Variants in TMEM94 observed in about 807,000 individuals in gnomAD.
The protein encoded by TMEM94 is transmembrane protein 94.
Under a neutral mutation model 158.6 loss-of-function variants are expected in TMEM94, and 81 were observed. That is an observed-to-expected ratio of 0.51 (90% confidence interval 0.43 to 0.61). TMEM94 has a LOEUF of 0.61. TMEM94 is among the 20% of genes least tolerant of loss of function. The probability of loss-of-function intolerance (pLI) is 0.00; values close to 1 mark genes in which losing one functional copy is unlikely to be tolerated. For synonymous variants in TMEM94, 751 were observed against 730.7 expected (o/e 1.03, Z -0.45); for missense variants, 1,435 against 1,762.0 (o/e 0.81, Z 3.32).
rs780602917 is a variant in TMEM94 at position 75,491,464 on chromosome 17, G to A, written c.1386+9G>A. 2 of 1,613,930 alleles carry A rather than the reference G, an allele frequency of 1.2e-6. No homozygotes were observed. Among genetic ancestry groups the A allele is most frequent in the Non-Finnish European group, 8.5e-7 (1 of 1,180,038 alleles). ...CCTTCTGCCATCCCGAGGTAGAGGA[G>A]GAGGTACGGCCGGCTCCCATGGGCC... On this transcript the variant is annotated intron_variant, in intron 13 of 31. Transcript: ENST00000314256. This position sits in a 1 kb window ranked among gnomAD's most constrained non-coding sequence, Gnocchi z 5.1.
chr17:75,496,319 T>C lies in TMEM94; in HGVS notation c.3091T>C (p.Trp1031Arg). The C allele has an allele frequency of 6.2e-7, 1 of 1,614,186 alleles. No homozygotes were observed. The highest frequency in any genetic ancestry group is 1.1e-5 in the South Asian group (1 of 91,092). Residue 1031 changes from tryptophan to arginine, a missense_variant, in exon 24 of 32, where the codon TGG becomes CGG. Physicochemically the swap from Trp to Arg is moderately radical, Grantham distance 101 (BLOSUM62 -3). This residue lies in a region of TMEM94 where 335 missense variants were observed against 409.1 expected (regional missense o/e 0.82). Coordinates refer to ENST00000314256, the MANE Select transcript of TMEM94 (RefSeq NM_014738.6). ...TCCCCTGTACCCATCCCGTTGCTCCTGGGAGACCTTTGGCTACGCCACCAG... is the reference window on the plus strand; with the variant it reads ...TCCCCTGTACCCATCCCGTTGCTCCCGGGAGACCTTTGGCTACGCCACCAG... ...LDPLYPSRCS[W>R]ETFGYATSIS...
intron 2 of TMEM94, among the ~76,000 whole-genome samples, chr17:75,481,580 G>A (rs536615002): frequency 1.7e-3 from 256 of 152,352 alleles, no homozygotes; most frequent in Non-Finnish European, 2.9e-3. Flanking sequence ...CTCAGTTGCC[G>A]AGGAGGGGGT....
intron 1 of TMEM94, among the ~76,000 whole-genome samples, chr17:75,459,294 T>C (rs1160534613): frequency 2.6e-5 from 4 of 152,178 alleles, no homozygotes; most frequent in Admixed American, 2.6e-4. Context: ...ATCTTCTTCA[T>C]CATCAGCCCC....
In TMEM94 at chr17:75,496,474, G is replaced by A; in HGVS notation, c.3243+3G>A. On this transcript the variant is annotated splice_donor_region_variant and intron_variant, in intron 24 of 31. Coordinates refer to ENST00000314256, the MANE Select transcript of TMEM94 (RefSeq NM_014738.6). ...GCATCATCCGGCTTATCGAACAGGT[G>A]GGTGCTTCGGCAGGCAAAGGAGGAG... The A allele has an allele frequency of 5.0e-6, 8 of 1,610,198 alleles. No individual in the cohort carries two copies. The highest frequency in any genetic ancestry group is 6.8e-6 in the Non-Finnish European group (8 of 1,177,654).
At chr17:75,481,680 TAG>T (rs1226710632) in intron 2 of TMEM94, among the ~76,000 whole-genome samples, 10 of 152,124 alleles carry the variant, frequency 6.6e-5, no homozygotes, top group South Asian at 4.1e-4. Context: ...GTGGGCCGCA[TAG>T]AGGGTGGGGA....
chr17:75,462,957 C>T (rs1328213080), intron 1 of TMEM94, among the ~76,000 whole-genome samples: 1 of 134,774 alleles, frequency 7.4e-6, no homozygotes, highest in African/African-American at 2.9e-5. Context: ...CATGCCACTG[C>T]ACTCCAGCCT....
In TMEM94 at chr17:75,498,110, G is replaced by A. The variant is rs1235536296; in HGVS notation, c.3490-65G>A. The A allele has an allele frequency of 4.4e-6, 7 of 1,595,998 alleles. No homozygotes were observed. The African/African-American group carries it at 9.4e-5, about 21-fold the overall frequency. The stretch of plus-strand genomic sequence containing the variant: ...TTACTAAGAGCCCGTTGAATACGTG[G>A]AAGAGCTAGGAGCAGCCGGCAGAGG... On this transcript the variant is annotated intron_variant, in intron 27 of 31. Coordinates refer to ENST00000314256, the MANE Select transcript of TMEM94 (RefSeq NM_014738.6). The surrounding 1 kb of genome is among the most constrained non-coding windows in gnomAD (Gnocchi z 6.7).
intron 1 of TMEM94, 27 bp from the exon 2 acceptor site, chr17:75,471,773 A>G: frequency 1.2e-6 from 1 of 852,246 alleles, no homozygotes; most frequent in Non-Finnish European, 1.9e-6. Flanking sequence ...CAGCAACCTG[A>G]GTGATTTCTT....
In TMEM94 at chr17:75,498,760, G is replaced by C. The variant is rs766856029; in HGVS notation, c.3827+38G>C. On this transcript the variant is annotated intron_variant, in intron 30 of 31. Transcript: ENST00000314256. The surrounding 1 kb of genome is among the most constrained non-coding windows in gnomAD (Gnocchi z 6.7). ...AGGATGGAGGGCGGAGTGTGGGCTG[G>C]GGAGGAGAGGGCCTTCTGCAGGGCT... The C allele has an allele frequency of 1.3e-6, 2 of 1,536,224 alleles. No individual in the cohort carries two copies. Among genetic ancestry groups the C allele is most frequent in the Non-Finnish European group, 1.8e-6 (2 of 1,140,118 alleles).
At chr17:75,490,077 C>CAAA in intron 9 of TMEM94, 157 bp from the exon 10 acceptor site, 6 of 795,200 alleles carry the variant, frequency 7.5e-6, no homozygotes, top group Admixed American at 3.4e-5. Context: ...GACTCCGTCT[C>CAAA]AAAAAAAAAA....
chr17:75,472,034 A>G (rs1319425838), intron 2 of TMEM94, 105 bp downstream of exon 2: 2 of 1,157,928 alleles, frequency 1.7e-6, no homozygotes, highest in East Asian at 2.4e-5. Context: ...CTTTAAACAA[A>G]AGTTGAGAGA....
At chr17:75,497,937 T>G (rs1035257307) in intron 27 of TMEM94, 75 bp downstream of exon 27, 128 of 1,401,958 alleles carry the variant, frequency 9.1e-5, no homozygotes, top group Admixed American at 2.9e-4. Flanking sequence ...AGAGAGGGGC[T>G]AATCTGGAAG....
Position 75,471,856 on chromosome 17 carries a change from T to C in TMEM94, c.-50T>C, listed in dbSNP as rs2050515179. 1 of 1,610,676 alleles carries C rather than the reference T, an allele frequency of 6.2e-7. No homozygotes were observed. The highest frequency in any genetic ancestry group is 2.2e-5 in the East Asian group (1 of 44,856). ...TGTACATGCTGGGGAGGAGCCTTCCTTTCAGGGGTGACCACATTCATCTGG... is the reference window on the plus strand; with the variant it reads ...TGTACATGCTGGGGAGGAGCCTTCCCTTCAGGGGTGACCACATTCATCTGG... On this transcript the variant is annotated 5_prime_UTR_variant, in exon 2 of 32. Coordinates refer to ENST00000314256, the MANE Select transcript of TMEM94 (RefSeq NM_014738.6).
In TMEM94 at chr17:75,493,680, C is replaced by T. The variant is rs1435436798; in HGVS notation, c.2190-19C>T. The T allele has an allele frequency of 6.2e-7, 1 of 1,613,874 alleles. No homozygotes were observed. Among genetic ancestry groups the T allele is most frequent in the Non-Finnish European group, 8.5e-7 (1 of 1,179,986 alleles). On this transcript the variant is annotated intron_variant, in intron 17 of 31. Coordinates refer to ENST00000314256, the MANE Select transcript of TMEM94 (RefSeq NM_014738.6). ...ACAGGCAGGAACACTCACCTCACCT[C>T]CGCCTGCTTCCCTGGCAGAAAGAAA...
intron 18 of TMEM94, 64 bp from the exon 19 acceptor site, chr17:75,494,563 G>C (rs1033467632): frequency 1.3e-6 from 2 of 1,540,738 alleles, no homozygotes; most frequent in African/African-American, 1.4e-5. Context: ...GCATCTGTGT[G>C]TGTGGCCCTG....
chr17:75,460,813 A>T (rs2050039937), intron 1 of TMEM94, among the ~76,000 whole-genome samples: 2 of 151,850 alleles, frequency 1.3e-5, no homozygotes, highest in South Asian at 4.2e-4. Context: ...GCCGATTTTT[A>T]AAATTAAGGA....
Position 75,489,232 on chromosome 17 carries a change from G to T in TMEM94, c.765-34G>T. The T allele has an allele frequency of 6.3e-7, 1 of 1,598,966 alleles. No individual in the cohort carries two copies. Among genetic ancestry groups the T allele is most frequent in the Non-Finnish European group, 8.6e-7 (1 of 1,166,222 alleles). On this transcript the variant is annotated intron_variant, in intron 7 of 31. Coordinates refer to ENST00000314256, the MANE Select transcript of TMEM94 (RefSeq NM_014738.6). The surrounding 1 kb of genome is among the most constrained non-coding windows in gnomAD (Gnocchi z 5.0). Reference sequence around the variant, plus strand: ...CAAGGTGTAGGTTTCTAGCCTCTCTGCCAAGTGAGACTGACAGTCACTTCT... The same window carrying T: ...CAAGGTGTAGGTTTCTAGCCTCTCTTCCAAGTGAGACTGACAGTCACTTCT...
At chr17:75,475,430 T>G (rs1172921983) in intron 2 of TMEM94, among the ~76,000 whole-genome samples, 1 of 152,138 alleles carries the variant, frequency 6.6e-6, no homozygotes, top group South Asian at 2.1e-4. Context: ...CAGCTCACAC[T>G]CTCCAGCTCT....
At position 75,492,798 on chromosome 17, in the gene TMEM94, C is replaced by T. The variant is rs372074038; in HGVS notation, c.1912+9C>T. The T allele has an allele frequency of 3.1e-6, 5 of 1,596,658 alleles. No individual in the cohort carries two copies. Among genetic ancestry groups the T allele is most frequent in the Non-Finnish European group, 4.3e-6 (5 of 1,172,474 alleles). Reference sequence around the variant, plus strand: ...GCTTGCCCGCCTCATTGGTACAGGTCCCCATGGCAGGGGATGGCTGGCTGG... The same window carrying T: ...GCTTGCCCGCCTCATTGGTACAGGTTCCCATGGCAGGGGATGGCTGGCTGG... On this transcript the variant is annotated intron_variant, in intron 15 of 31. Coordinates refer to ENST00000314256, the MANE Select transcript of TMEM94 (RefSeq NM_014738.6). The surrounding 1 kb of genome is among the most constrained non-coding windows in gnomAD (Gnocchi z 4.4).
Sources: gnomAD v4.1 joint callset for allele counts (sites outside exome capture counted in the v4.1 genomes callset) on GRCh38, gnomAD v4.1.1 for gene constraint, gnomAD v4.1.1 regional missense constraint, Gnocchi (gnomAD v3.1) non-coding constraint, MANE v1.5 for transcripts, NCBI Gene and HGNC (gene_info 2026-07-23, HGNC 2026-07-21) for gene names.